Variants in PRTG observed in about 807,000 individuals in gnomAD.
The protein encoded by PRTG is immunoglobulin superfamily, DCC subclass, member 5.
Under a neutral mutation model 122.5 loss-of-function variants are expected in PRTG, and 67 were observed. That is an observed-to-expected ratio of 0.55 (90% confidence interval 0.45 to 0.67). PRTG has a LOEUF of 0.67. Among genes scored for constraint, PRTG ranks in the 30% least tolerant of loss-of-function variants. PRTG has a pLI of 0.00. For missense variants in PRTG, 1,435 were observed against 1,415.4 expected, an observed-to-expected ratio of 1.01 and a Z score of -0.22; for synonymous variants, 554 against 501.1, an observed-to-expected ratio of 1.11 and a Z score of -1.41.
intron 2 of PRTG, among the ~76,000 whole-genome samples, chr15:55,735,831 C>T (rs2031394005): frequency 6.7e-6 from 1 of 150,230 alleles, no homozygotes; most frequent in African/African-American, 2.5e-5. Flanking sequence ...GTGAGAAAAA[C>T]TGGTTCCATT....
intron 10 of PRTG, among the ~76,000 whole-genome samples, chr15:55,672,902 T>C (rs1220146481): frequency 6.6e-6 from 1 of 152,156 alleles, no homozygotes; most frequent in Non-Finnish European, 1.5e-5. Flanking sequence ...AATAAATACT[T>C]TCTAATTTTG....
Position 55,614,992 on chromosome 15 carries a change from T to C in PRTG, c.*5020A>G, listed in dbSNP as rs2059135650. On this transcript the variant is annotated 3_prime_UTR_variant, in exon 20 of 20. Coordinates refer to ENST00000389286, the MANE Select transcript of PRTG (RefSeq NM_173814.6). ...ATGTGATTAAGTTGAGGAACTTCAG[T>C]TGGGGAGATTATCCTGGATTATTTA... is the stretch of plus-strand genomic sequence containing the variant. 6.6e-6 allele frequency: 1 copy of C among 151,954 alleles called. No homozygotes were observed. Among genetic ancestry groups the C allele is most frequent in the Non-Finnish European group, 1.5e-5 (1 of 67,944 alleles). 9.4% of individuals were successfully genotyped at this position (151,954 alleles called of 1,614,324 possible).
chr15:55,719,281 A>G (rs1199601094), intron 2 of PRTG, among the ~76,000 whole-genome samples: 1 of 152,230 alleles, frequency 6.6e-6, no homozygotes, highest in African/African-American at 2.4e-5. Flanking sequence ...ATGGTATATC[A>G]TGTCAACATA....
chr15:55,664,665 C>T (rs1161724414), intron 11 of PRTG, among the ~76,000 whole-genome samples: 1 of 152,006 alleles, frequency 6.6e-6, no homozygotes, highest in Non-Finnish European at 1.5e-5. Flanking sequence ...TGGCTCGCTG[C>T]TACCTCGACC....
At chr15:55,732,506 T>G (rs2031269533) in intron 2 of PRTG, among the ~76,000 whole-genome samples, 1 of 150,138 alleles carries the variant, frequency 6.7e-6, no homozygotes, top group African/African-American at 2.5e-5. Flanking sequence ...TTTTTTTTTT[T>G]TTTTTGAGAC....
intron 2 of PRTG, among the ~76,000 whole-genome samples, chr15:55,720,548 TG>T (rs2030776427): frequency 6.6e-6 from 1 of 152,232 alleles, no homozygotes; most frequent in African/African-American, 2.4e-5. Context: ...TCTGTGATTT[TG>T]TACTCATGTG....
At chr15:55,696,976 C>G (rs533661969) in intron 2 of PRTG, among the ~76,000 whole-genome samples, 20 of 152,180 alleles carry the variant, frequency 1.3e-4, no homozygotes, top group Non-Finnish European at 2.6e-4. Context: ...TTTCTACAGA[C>G]TATTTTCCAG....
intron 2 of PRTG, among the ~76,000 whole-genome samples, chr15:55,692,319 G>T (rs1415740531): frequency 2.0e-5 from 3 of 152,178 alleles, no homozygotes; most frequent in Non-Finnish European, 4.4e-5. Flanking sequence ...AGAGAGATCT[G>T]CTATGGGTTT....
intron 2 of PRTG, among the ~76,000 whole-genome samples, chr15:55,685,620 T>C (rs1218773635): frequency 1.3e-5 from 2 of 152,218 alleles, no homozygotes; most frequent in Non-Finnish European, 2.9e-5. Context: ...TGTAAAGCAA[T>C]TCTGCTCCTC....
intron 11 of PRTG, among the ~76,000 whole-genome samples, chr15:55,645,385 G>T (rs2059315636): frequency 1.7e-5 from 2 of 120,338 alleles, no homozygotes; most frequent in Admixed American, 2.1e-4. Flanking sequence ...AGTGAGTCGA[G>T]ATCGCGCCAC....
intron 2 of PRTG, among the ~76,000 whole-genome samples, chr15:55,711,738 C>A (rs1439018897): frequency 2.0e-5 from 3 of 152,126 alleles, no homozygotes; most frequent in African/African-American, 7.2e-5. Context: ...TGTGATCAGC[C>A]AATCCTGGCC....
chr15:55,701,412 T>C (rs766157370), intron 2 of PRTG, among the ~76,000 whole-genome samples: 20 of 152,074 alleles, frequency 1.3e-4, no homozygotes, highest in Non-Finnish European at 2.6e-4. Flanking sequence ...CAGGCGACTG[T>C]AATCCCAACT....
intron 15 of PRTG, among the ~76,000 whole-genome samples, chr15:55,631,737 G>C (rs1478692254): frequency 6.6e-6 from 1 of 152,182 alleles, no homozygotes; most frequent in Non-Finnish European, 1.5e-5. Flanking sequence ...AACCAAGCGA[G>C]CAATTTCTAA....
intron 2 of PRTG, among the ~76,000 whole-genome samples, chr15:55,732,645 C>A (rs2031275810): frequency 6.6e-6 from 1 of 151,976 alleles, no homozygotes; most frequent in Non-Finnish European, 1.5e-5. Flanking sequence ...AAGGCATGTG[C>A]CACCACACCC....
intron 11 of PRTG, among the ~76,000 whole-genome samples, chr15:55,654,278 G>C (rs912593373): frequency 3.9e-5 from 6 of 152,138 alleles, no homozygotes; most frequent in African/African-American, 1.4e-4. Flanking sequence ...AAAAAGAAAA[G>C]AACACTTCAA....
chr15:55,629,043 C>A, intron 15 of PRTG, 39 bp from the exon 16 acceptor site: 1 of 1,410,678 alleles, frequency 7.1e-7, no homozygotes, highest in Non-Finnish European at 9.7e-7. Context: ...GAACATTTAT[C>A]TTTTATTCTT....
chr15:55,643,693 G>A (rs2059304991), intron 11 of PRTG, among the ~76,000 whole-genome samples: 1 of 151,916 alleles, frequency 6.6e-6, no homozygotes, highest in African/African-American at 2.4e-5. Context: ...CGAAGTGCTG[G>A]GATTACAGGA....
intron 1 of PRTG, among the ~76,000 whole-genome samples, chr15:55,741,088 T>G (rs1050191395): frequency 3.3e-5 from 5 of 152,232 alleles, no homozygotes; most frequent in Non-Finnish European, 5.9e-5. Context: ...AAACTCCAAC[T>G]CTGTGAACAA....
At chr15:55,693,247 G>A (rs879583511) in intron 2 of PRTG, among the ~76,000 whole-genome samples, 3 of 152,074 alleles carry the variant, frequency 2.0e-5, no homozygotes, top group Admixed American at 6.5e-5. Flanking sequence ...ACCTGAGATC[G>A]GGTGGTCGGG....
Sources: allele counts gnomAD v4.1 joint callset (sites outside exome capture counted in the v4.1 genomes callset), GRCh38; gene constraint gnomAD v4.1.1; transcripts MANE v1.5; gene names NCBI Gene and HGNC (gene_info 2026-07-23, HGNC 2026-07-21).